CMIP: variants seen among roughly 807,000 people sequenced by gnomAD.
The protein encoded by CMIP is C-Maf-inducing protein.
In CMIP, 13 loss-of-function variants were observed where a neutral mutation model predicts 97.3. That is an observed-to-expected ratio of 0.13 (90% CI 0.09 to 0.21). The LOEUF is 0.21. Ranked by LOEUF, CMIP falls within the 10% of genes least tolerant of loss-of-function variation. The probability of loss-of-function intolerance (pLI) is 1.00; values close to 1 mark genes in which losing one functional copy is unlikely to be tolerated. For synonymous variants in CMIP, 538 were observed against 436.3 expected, an observed-to-expected ratio of 1.23 and a Z score of -2.91; for missense variants, 847 against 1,024.9, an observed-to-expected ratio of 0.83 and a Z score of 2.37.
At position 81,451,759 on chromosome 16, in the gene CMIP, C is replaced by CA. The variant is rs1906229677; in HGVS notation, c.300+6220dup. 2.6e-5 allele frequency among the ~76,000 whole-genome samples: 4 copies of CA among 152,336 alleles called. No individual in the cohort carries two copies. In the South Asian group the frequency reaches 8.3e-4, roughly 32 times the overall value. Reference sequence around the variant, plus strand: ...GATGCGCTGACTTCCACCCACAGAACAAGGGTCTGTGCAGCTCCACCTGAG... The same window carrying CA: ...GATGCGCTGACTTCCACCCACAGAACAAAGGGTCTGTGCAGCTCCACCTGAG... On this transcript the variant is annotated intron_variant, in intron 1 of 20. Coordinates refer to ENST00000537098, the MANE Select transcript of CMIP (RefSeq NM_198390.3).
intron 1 of CMIP, among the ~76,000 whole-genome samples, chr16:81,452,181 G>A (rs1906259666): frequency 6.6e-6 from 1 of 152,194 alleles, no homozygotes; most frequent in Admixed American, 6.5e-5. Flanking sequence ...AAGAGAACAC[G>A]GCAGACCCAG....
At chr16:81,650,216 G>C (rs2092411623) in intron 3 of CMIP, among the ~76,000 whole-genome samples, 1 of 152,172 alleles carries the variant, frequency 6.6e-6, no homozygotes, top group South Asian at 2.1e-4. Flanking sequence ...CCAATGGCTG[G>C]CAAGTGAATG....
intron 3 of CMIP, among the ~76,000 whole-genome samples, chr16:81,650,020 C>T (rs964614031): frequency 2.0e-5 from 3 of 152,228 alleles, no homozygotes; most frequent in African/African-American, 7.2e-5. Context: ...CTTTGGTTGA[C>T]AGTAACTAGG....
At chr16:81,477,085 C>A (rs369215228) in intron 1 of CMIP, among the ~76,000 whole-genome samples, 2 of 152,024 alleles carry the variant, frequency 1.3e-5, no homozygotes, top group East Asian at 1.9e-4. Flanking sequence ...ATGGTTGATG[C>A]TTGAAAAATG....
chr16:81,537,048 A>AT (rs891628401), intron 1 of CMIP, among the ~76,000 whole-genome samples: 1 of 152,090 alleles, frequency 6.6e-6, no homozygotes, highest in African/African-American at 2.4e-5. Flanking sequence ...TTTGTCTGGC[A>AT]TTTTTCCCAT....
At chr16:81,497,380 G>C (rs1004863111) in intron 1 of CMIP, among the ~76,000 whole-genome samples, 4 of 152,216 alleles carry the variant, frequency 2.6e-5, no homozygotes, top group African/African-American at 9.7e-5. Context: ...GGCTCAGTGA[G>C]GTTGAGCCAC....
chr16:81,569,557 C>T (rs1349403599), intron 1 of CMIP, among the ~76,000 whole-genome samples: 1 of 152,196 alleles, frequency 6.6e-6, no homozygotes, highest in African/African-American at 2.4e-5. Flanking sequence ...GACAGTCCTG[C>T]CAAGGAGGCA....
intron 1 of CMIP, among the ~76,000 whole-genome samples, chr16:81,493,828 C>T (rs1276315895): frequency 1.3e-5 from 2 of 152,196 alleles, no homozygotes; most frequent in African/African-American, 2.4e-5. Context: ...CAGCCGGGAC[C>T]GGGATTGCAG....
intron 1 of CMIP, chr16:81,475,899 A>T (rs188440771): frequency 2.6e-6 from 1 of 379,934 alleles, no homozygotes; most frequent in East Asian, 6.5e-5. Context: ...AGGCAGGAGA[A>T]TGGCATGAAC....
chr16:81,544,580 C>T (rs1344488687), intron 1 of CMIP, among the ~76,000 whole-genome samples: 1 of 151,972 alleles, frequency 6.6e-6, no homozygotes, highest in Non-Finnish European at 1.5e-5. Context: ...TCTATTTCTG[C>T]TCTGGGTCCA....
chr16:81,638,589 G>C (rs1265507550), intron 3 of CMIP, among the ~76,000 whole-genome samples: 3 of 151,960 alleles, frequency 2.0e-5, no homozygotes, highest in African/African-American at 7.2e-5. Flanking sequence ...CCCTCCCCTT[G>C]TCCCTTTCCT....
chr16:81,495,894 T>G (rs907833559), intron 1 of CMIP, among the ~76,000 whole-genome samples: 3 of 152,212 alleles, frequency 2.0e-5, no homozygotes, highest in Non-Finnish European at 4.4e-5. Flanking sequence ...CTCAGCCTCC[T>G]TATCTGTAAA....
chr16:81,667,797 A>AGTGTGTGTGT (rs1474036026), intron 7 of CMIP, among the ~76,000 whole-genome samples: 57 of 65,014 alleles, frequency 8.8e-4, no homozygotes, highest in South Asian at 1.7e-3. Context: ...AGAGAGAGAG[A>AGTGTGTGTGT]GAGTGTGTGT....
At chr16:81,697,008 G>A in intron 14 of CMIP, 1 of 312,086 alleles carries the variant, frequency 3.2e-6, no homozygotes, top group Non-Finnish European at 6.0e-6. Flanking sequence ...TCATTGCCAT[G>A]GTTATGTTCC....
At chr16:81,671,662 T>C (rs914616007) in intron 8 of CMIP, among the ~76,000 whole-genome samples, 2 of 152,246 alleles carry the variant, frequency 1.3e-5, no homozygotes, top group African/African-American at 4.8e-5. Flanking sequence ...ATCCTCATTT[T>C]ATCGCTGCAG....
At chr16:81,551,875 G>A (rs542014220) in intron 1 of CMIP, among the ~76,000 whole-genome samples, 1 of 152,198 alleles carries the variant, frequency 6.6e-6, no homozygotes, top group Admixed American at 6.5e-5. Flanking sequence ...GATGGGTGAG[G>A]CTCTGCTGCT....
At chr16:81,577,735 G>A (rs79665964) in intron 1 of CMIP, among the ~76,000 whole-genome samples, 5,603 of 44,408 alleles carry the variant, frequency 0.13, 472 homozygotes, top group African/African-American at 0.27. Context: ...CATCATCACC[G>A]TCATCCCCAT....
At chr16:81,447,707 G>A (rs997995038) in intron 1 of CMIP, among the ~76,000 whole-genome samples, 2 of 152,228 alleles carry the variant, frequency 1.3e-5, no homozygotes, top group Non-Finnish European at 2.9e-5. Flanking sequence ...TCCCCTTTCC[G>A]CTGCCTTTCG....
Position 81,616,285 on chromosome 16 carries a change from G to C in CMIP, c.427-4591G>C, listed in dbSNP as rs1250987498. Among the ~76,000 whole-genome samples, 1 of 152,138 alleles carries C rather than the reference G, an allele frequency of 6.6e-6. No individual in the cohort carries two copies. The highest frequency in any genetic ancestry group is 1.5e-5 in the Non-Finnish European group (1 of 68,020). On this transcript the variant is annotated intron_variant, in intron 2 of 20. Coordinates refer to ENST00000537098, the MANE Select transcript of CMIP (RefSeq NM_198390.3). This position sits in a 1 kb window ranked among gnomAD's most constrained non-coding sequence, Gnocchi z 4.7. The stretch of plus-strand genomic sequence containing the variant: ...GCCAGCCTCAGGGTGTGGGCCGAGG[G>C]CTTGAAGAAGTGGCCGCCAGAAGCT...
Sources: gnomAD v4.1 joint callset for allele counts (sites outside exome capture counted in the v4.1 genomes callset) on GRCh38, gnomAD v4.1.1 for gene constraint, Gnocchi (gnomAD v3.1) non-coding constraint, MANE v1.5 for transcripts, NCBI Gene and HGNC (gene_info 2026-07-23, HGNC 2026-07-21) for gene names.